The following KCTD16 variants were observed in gnomAD, a reference collection of about 807,000 sequenced individuals.
KCTD16 encodes BTB/POZ domain-containing protein KCTD16.
A neutral mutation model predicts 33.2 loss-of-function variants in KCTD16; 13 were observed. That is an observed-to-expected ratio of 0.39 (90% CI 0.25 to 0.62). The LOEUF is 0.62. Among genes scored for constraint, KCTD16 ranks in the 20% least tolerant of loss-of-function variants. The pLI is 0.50. For synonymous variants in KCTD16, 197 were observed against 195.3 expected, an observed-to-expected ratio of 1.01 and a Z score of -0.07; for missense variants, 441 against 525.1, an observed-to-expected ratio of 0.84 and a Z score of 1.57.
intron 3 of KCTD16, among the ~76,000 whole-genome samples, chr5:144,429,656 C>T (rs1486633681): frequency 1.3e-5 from 2 of 151,832 alleles, no homozygotes; most frequent in Non-Finnish European, 2.9e-5. Flanking sequence ...ACCATGAGGG[C>T]CAAATGTTTA....
intron 3 of KCTD16, among the ~76,000 whole-genome samples, chr5:144,391,089 C>CA (rs1303272039): frequency 6.6e-6 from 1 of 152,134 alleles, no homozygotes; most frequent in Non-Finnish European, 1.5e-5. Flanking sequence ...GTTGTGCCCC[C>CA]ACTATAATCA....
Position 144,255,387 on chromosome 5 carries a change from T to G in KCTD16, c.832+47841T>G, listed in dbSNP as rs547801293. 1.8e-4 allele frequency among the ~76,000 whole-genome samples: 28 copies of G among 152,236 alleles called. No individual in the cohort carries two copies. The East Asian group carries it at 4.4e-3, about 24-fold the overall frequency. On this transcript the variant is annotated intron_variant, in intron 3 of 3. Transcript: ENST00000512467. ...TTTTTATCATATGGTGGTTCTTTATTTAAGTTTTAGGGGAACCTCCATTCC... is the reference window on the plus strand; with the variant it reads ...TTTTTATCATATGGTGGTTCTTTATGTAAGTTTTAGGGGAACCTCCATTCC...
chr5:144,308,643 G>T (rs74424068), intron 3 of KCTD16, among the ~76,000 whole-genome samples: 9,229 of 151,966 alleles, frequency 0.061, 317 homozygotes, highest in Middle Eastern at 0.12. Context: ...CTATATGTTG[G>T]TATTGATATC....
intron 3 of KCTD16, among the ~76,000 whole-genome samples, chr5:144,330,014 A>G (rs1031216264): frequency 1.3e-5 from 2 of 152,210 alleles, no homozygotes; most frequent in Non-Finnish European, 2.9e-5. Context: ...CAAGTCCATT[A>G]AAGTAGGCTG....
intron 3 of KCTD16, among the ~76,000 whole-genome samples, chr5:144,354,503 T>G (rs1456401926): frequency 6.6e-6 from 1 of 152,144 alleles, no homozygotes; most frequent in East Asian, 1.9e-4. Flanking sequence ...CCTCCACCTA[T>G]GGCCAGCCCA....
At chr5:144,278,268 A>G (rs1430983301) in intron 3 of KCTD16, among the ~76,000 whole-genome samples, 1 of 151,792 alleles carries the variant, frequency 6.6e-6, no homozygotes, top group East Asian at 1.9e-4. Flanking sequence ...TGAAAAGGCT[A>G]TTTCTTCTCT....
intron 3 of KCTD16, among the ~76,000 whole-genome samples, chr5:144,435,646 T>G (rs1753558857): frequency 6.6e-6 from 1 of 152,204 alleles, no homozygotes; most frequent in African/African-American, 2.4e-5. Context: ...ACCTATATAT[T>G]TAAAATGTTG....
intron 3 of KCTD16, among the ~76,000 whole-genome samples, chr5:144,444,536 G>GT (rs1000532763): frequency 2.0e-5 from 3 of 151,584 alleles, no homozygotes; most frequent in East Asian, 3.9e-4. Flanking sequence ...CCTCAATAAT[G>GT]TTTTTTTTAA....
chr5:144,172,964 T>C (rs1448348656), intron 1 of KCTD16, among the ~76,000 whole-genome samples: 1 of 152,162 alleles, frequency 6.6e-6, no homozygotes, highest in Non-Finnish European at 1.5e-5. Flanking sequence ...AATATGAGCA[T>C]TAAAAATTGC....
At chr5:144,218,094 T>C (rs1753620582) in intron 3 of KCTD16, among the ~76,000 whole-genome samples, 1 of 152,184 alleles carries the variant, frequency 6.6e-6, no homozygotes, top group South Asian at 2.1e-4. Flanking sequence ...ATATGTCTTC[T>C]AGAAATACCT....
At chr5:144,387,599 C>T (rs1448257411) in intron 3 of KCTD16, among the ~76,000 whole-genome samples, 1 of 152,204 alleles carries the variant, frequency 6.6e-6, no homozygotes, top group Non-Finnish European at 1.5e-5. Context: ...TAACCACCCT[C>T]TAAGTGTTGG....
chr5:144,292,551 A>G (rs1755923477), intron 3 of KCTD16, among the ~76,000 whole-genome samples: 1 of 152,206 alleles, frequency 6.6e-6, no homozygotes, highest in Non-Finnish European at 1.5e-5. Flanking sequence ...TGTGTGGGAA[A>G]GAGAAACTGT....
chr5:144,287,137 A>G (rs1386580207), intron 3 of KCTD16, among the ~76,000 whole-genome samples: 1 of 152,122 alleles, frequency 6.6e-6, no homozygotes, highest in Non-Finnish European at 1.5e-5. Context: ...TGAAAGAGAG[A>G]GGGAAGGAGG....
chr5:144,383,967 C>T (rs1752271652), intron 3 of KCTD16, among the ~76,000 whole-genome samples: 1 of 152,100 alleles, frequency 6.6e-6, no homozygotes, highest in Non-Finnish European at 1.5e-5. Flanking sequence ...ATCAGAAAAA[C>T]CACAACAGTA....
At chr5:144,468,088 C>A (rs1253774939) in intron 3 of KCTD16, among the ~76,000 whole-genome samples, 1 of 152,178 alleles carries the variant, frequency 6.6e-6, no homozygotes, top group East Asian at 1.9e-4. Context: ...CCTCTATAAT[C>A]CCCTGAGCCA....
At chr5:144,410,345 C>A (rs866453575) in intron 3 of KCTD16, among the ~76,000 whole-genome samples, 11 of 152,158 alleles carry the variant, frequency 7.2e-5, no homozygotes, top group African/African-American at 2.7e-4. Flanking sequence ...TATATTAAAT[C>A]TATTTCTGTA....
chr5:144,420,253 T>C (rs1414264238), intron 3 of KCTD16, among the ~76,000 whole-genome samples: 1 of 152,092 alleles, frequency 6.6e-6, no homozygotes, highest in East Asian at 1.9e-4. Context: ...AGCAGTTTAC[T>C]GGTCGGGGAA....
At chr5:144,206,319 C>T (rs188336561) in intron 2 of KCTD16, 70 bp from the exon 3 acceptor site, 99 of 165,590 alleles carry the variant, frequency 6.0e-4, no homozygotes, top group African/African-American at 2.2e-3. Context: ...CTCCCTCTCT[C>T]TCTCTCCAGA....
chr5:144,465,794 T>TTA lies in KCTD16; in HGVS notation c.833-7865_833-7864insAT, dbSNP rs1178017576. On this transcript the variant is annotated intron_variant, in intron 3 of 3. Transcript: ENST00000512467. ...CCAAATTTAACTTTTTTGTTTTTTTTTTTTTTTGCCAGGAGGATTAATAGA... is the reference window on the plus strand; with the variant it reads ...CCAAATTTAACTTTTTTGTTTTTTTTTATTTTTTTGCCAGGAGGATTAATAGA... 1.6e-4 allele frequency among the ~76,000 whole-genome samples: 24 copies of TTA among 151,052 alleles called. 1 individual carries two copies. The highest frequency in any genetic ancestry group is 5.3e-4 in the African/African-American group (22 of 41,208).
Sources: gnomAD v4.1 joint callset for allele counts (sites outside exome capture counted in the v4.1 genomes callset) on GRCh38, gnomAD v4.1.1 for gene constraint, MANE v1.5 for transcripts, NCBI Gene and HGNC (gene_info 2026-07-23, HGNC 2026-07-21) for gene names.